The following ARID5B variants were observed in gnomAD, a reference collection of about 807,000 sequenced individuals.
The protein encoded by ARID5B is AT-rich interactive domain-containing protein 5B.
A neutral mutation model predicts 97.2 loss-of-function variants in ARID5B; 13 were observed. The ratio of observed to expected loss-of-function variants is 0.13; its 90% CI spans 0.09 to 0.21. The LOEUF is 0.21. Ranked by LOEUF, ARID5B falls within the 10% of genes least tolerant of loss-of-function variation. The pLI is 1.00. For missense variants in ARID5B, 1,210 were observed against 1,465.3 expected (o/e 0.83, Z 2.84); for synonymous variants, 556 against 570.3 (o/e 0.97, Z 0.36).
intron 2 of ARID5B, among the ~76,000 whole-genome samples, chr10:61,927,882 C>T (rs893962620): frequency 2.1e-4 from 32 of 152,200 alleles, no homozygotes; most frequent in African/African-American, 7.7e-4. Context: ...TGTGGAGTCC[C>T]TCCATATCAG....
intron 4 of ARID5B, among the ~76,000 whole-genome samples, chr10:62,001,398 C>T (rs1055715316): frequency 3.3e-5 from 5 of 152,150 alleles, no homozygotes; most frequent in Admixed American, 6.5e-5. Flanking sequence ...CTGGAGAGAG[C>T]ATAGGGTCCC....
At chr10:61,974,978 T>TG (rs1394102733) in intron 3 of ARID5B, among the ~76,000 whole-genome samples, 1 of 151,268 alleles carries the variant, frequency 6.6e-6, no homozygotes, top group East Asian at 1.9e-4. Context: ...TTCGAAGGAA[T>TG]AATAGCATTG....
At chr10:61,961,150 C>G (rs1838465272) in intron 3 of ARID5B, among the ~76,000 whole-genome samples, 1 of 152,106 alleles carries the variant, frequency 6.6e-6, no homozygotes, top group South Asian at 2.1e-4. Context: ...ACCAATAACA[C>G]TGTTTTATTA....
chr10:61,913,162 GA>G lies in ARID5B; in HGVS notation c.276+10753del, dbSNP rs1843839093. Among the ~76,000 whole-genome samples the G allele has an allele frequency of 3.3e-5, 5 of 152,330 alleles. No individual in the cohort carries two copies. In the South Asian group the frequency reaches 1.0e-3, roughly 32 times the overall value. On this transcript the variant is annotated intron_variant, in intron 2 of 9. Transcript: ENST00000279873. Reference sequence around the variant, plus strand: ...GGCAGACCAGTGAAGGTCAGATGCAGAAAAGGTCATTGATAATGTTCTCAGA... The same window carrying G: ...GGCAGACCAGTGAAGGTCAGATGCAGAAAGGTCATTGATAATGTTCTCAGA...
At chr10:62,039,632 G>T (rs1234694651) in intron 4 of ARID5B, among the ~76,000 whole-genome samples, 1 of 152,220 alleles carries the variant, frequency 6.6e-6, no homozygotes, top group Non-Finnish European at 1.5e-5. Context: ...AGTTGTTTGG[G>T]AGGATGGGAC....
intron 3 of ARID5B, among the ~76,000 whole-genome samples, chr10:61,968,317 G>T (rs774203956): frequency 6.6e-6 from 1 of 150,528 alleles, no homozygotes; most frequent in Non-Finnish European, 1.5e-5. Context: ...CCACCCGATT[G>T]GTTTTATAAT....
intron 4 of ARID5B, among the ~76,000 whole-genome samples, chr10:62,001,130 C>T (rs1298987603): frequency 6.6e-6 from 1 of 152,202 alleles, no homozygotes; most frequent in Non-Finnish European, 1.5e-5. Flanking sequence ...TACATTATCA[C>T]TTTCTCATCT....
At chr10:62,047,457 A>G (rs1341063843) in intron 4 of ARID5B, among the ~76,000 whole-genome samples, 1 of 152,196 alleles carries the variant, frequency 6.6e-6, no homozygotes, top group Admixed American at 6.5e-5. Flanking sequence ...TTTTTCTAAT[A>G]AAACTGACTG....
chr10:62,092,240 A>T lies in ARID5B; in HGVS notation c.2777A>T (p.His926Leu), dbSNP rs1840390079. Residue 926 changes from histidine (H) to leucine (L), a missense_variant, in exon 10 of 10, where the codon CAT becomes CTT. This residue lies in a region of ARID5B where 800 missense variants were observed against 839.1 expected (regional missense o/e 0.95). Transcript: ENST00000279873. The part of the protein sequence containing the change: ...KPTGKVLGLA[H>L]STTGPQESKG... ...ACCGGCAAGGTCCTGGGCCTGGCTCATTCCACCACAGGGCCCCAGGAGAGC... is the reference window on the plus strand; with the variant it reads ...ACCGGCAAGGTCCTGGGCCTGGCTCTTTCCACCACAGGGCCCCAGGAGAGC... The T allele has an allele frequency of 6.2e-7, 1 of 1,609,512 alleles. No homozygotes were observed. The highest frequency in any genetic ancestry group is 1.3e-5 in the African/African-American group (1 of 74,734).
rs201980332 is a variant in ARID5B, at chr10:62,000,356, G to A, written c.733+35G>A. ...TTTTTTTTTTTCCTACCTGATTCTT[G>A]TGCGTGTGTGCCTAGTTGTTTTCAG... is the stretch of plus-strand genomic sequence containing the variant. On this transcript the variant is annotated intron_variant, in intron 4 of 9. Transcript: ENST00000279873. This position sits in a 1 kb window ranked among gnomAD's most constrained non-coding sequence, Gnocchi z 4.4. 178 of 1,521,334 alleles carry A rather than the reference G, an allele frequency of 1.2e-4. No homozygotes were observed. The African/African-American group carries it at 2.2e-3, about 19-fold the overall frequency. The allele number at this position is 1,521,334 out of a possible 1,614,324, so 94.2% of individuals were successfully genotyped here.
intron 2 of ARID5B, among the ~76,000 whole-genome samples, chr10:61,903,038 C>T (rs1843643620): frequency 6.6e-6 from 1 of 152,176 alleles, no homozygotes; most frequent in Admixed American, 6.5e-5. Flanking sequence ...GTGTAACAGG[C>T]ACAAACACGT....
chr10:62,093,034 C>A lies in ARID5B; in HGVS notation c.*4C>A. On this transcript the variant is annotated 3_prime_UTR_variant, in exon 10 of 10. Transcript: ENST00000279873. The stretch of plus-strand genomic sequence containing the variant: ...GCACCCCAGTACAAAACTGTAGGCT[C>A]AGCTCTGCCCAGCAGTCCAAAGCGG... 6.3e-7 allele frequency: 1 copy of A among 1,597,482 alleles called. No homozygotes were observed. Among genetic ancestry groups the A allele is most frequent in the South Asian group, 1.1e-5 (1 of 89,058 alleles).
chr10:61,914,855 C>T lies in ARID5B; in HGVS notation c.276+12442C>T, dbSNP rs1347971241. Among the ~76,000 whole-genome samples, 3 of 152,340 alleles carry T rather than the reference C, an allele frequency of 2.0e-5. No homozygotes were observed. The East Asian group carries it at 5.8e-4, about 29-fold the overall frequency. On this transcript the variant is annotated intron_variant, in intron 2 of 9. Transcript: ENST00000279873. The stretch of plus-strand genomic sequence containing the variant: ...CTGAGGCCAACAGAGGTTAAAGGAA[C>T]TTGCCCAAGGTCACACATAGGTGAG...
chr10:62,025,903 G>A (rs752480940), intron 4 of ARID5B, among the ~76,000 whole-genome samples: 4 of 151,928 alleles, frequency 2.6e-5, no homozygotes, highest in Non-Finnish European at 5.9e-5. Context: ...TTCCAAAATG[G>A]CTTTCACTGA....
chr10:62,027,874 A>G (rs1255280105), intron 4 of ARID5B, among the ~76,000 whole-genome samples: 1 of 152,044 alleles, frequency 6.6e-6, no homozygotes, highest in Non-Finnish European at 1.5e-5. Flanking sequence ...CACCCTTGTG[A>G]TGTTTCTTAC....
intron 4 of ARID5B, among the ~76,000 whole-genome samples, chr10:62,026,851 T>C (rs1289588377): frequency 6.6e-6 from 1 of 152,216 alleles, no homozygotes; most frequent in Non-Finnish European, 1.5e-5. Flanking sequence ...CTCTATGTCC[T>C]TAATAAAGAG....
At chr10:62,059,634 C>A (rs1162614157) in intron 7 of ARID5B, among the ~76,000 whole-genome samples, 1 of 152,170 alleles carries the variant, frequency 6.6e-6, no homozygotes, top group Non-Finnish European at 1.5e-5. Flanking sequence ...TGGCAACATA[C>A]CTGACATCTG....
At chr10:62,068,516 A>C (rs1418079013) in intron 7 of ARID5B, among the ~76,000 whole-genome samples, 1 of 152,016 alleles carries the variant, frequency 6.6e-6, no homozygotes, top group African/African-American at 2.4e-5. Flanking sequence ...CCCCGGTTGC[A>C]AGTTGAGGTT....
intron 4 of ARID5B, among the ~76,000 whole-genome samples, chr10:62,027,408 A>C (rs1447381725): frequency 7.0e-6 from 1 of 143,286 alleles, no homozygotes; most frequent in Non-Finnish European, 1.5e-5. Flanking sequence ...TCTCGGGTTC[A>C]AGCGATTCTC....
Sources: allele counts gnomAD v4.1 joint callset (sites outside exome capture counted in the v4.1 genomes callset), GRCh38; gene constraint gnomAD v4.1.1; regional missense constraint gnomAD v4.1.1; non-coding constraint Gnocchi (gnomAD v3.1); transcripts MANE v1.5; gene names NCBI Gene and HGNC (gene_info 2026-07-23, HGNC 2026-07-21).